The following RUFY4 variants were observed in gnomAD, a reference collection of about 807,000 sequenced individuals.
RUFY4 encodes RUN and FYVE domain-containing protein 4.
RUFY4 carries 73 observed loss-of-function variants against 69.0 expected under a neutral mutation model. The observed-to-expected ratio is 1.06, with a 90% CI of 0.88 to 1.29. The LOEUF (loss-of-function observed/expected upper bound fraction) is 1.29, where lower values mean the gene tolerates loss of function less well. Ranked by LOEUF, RUFY4 falls within the 50% of genes most tolerant of loss-of-function variation. The pLI, the probability that RUFY4 is intolerant of heterozygous loss-of-function variation, is 0.00. For synonymous variants in RUFY4, 287 were observed against 271.8 expected, an observed-to-expected ratio of 1.06 and a Z score of -0.55; for missense variants, 770 against 705.6, an observed-to-expected ratio of 1.09 and a Z score of -1.03.
exon 7 of RUFY4, chr2:218,075,264 A>G (rs753729718): frequency 6.3e-7 from 1 of 1,585,576 alleles, no homozygotes. Context: ...AAGTTCCAGG[A>G]AACATAGGTA....
chr2:218,075,619 T>C, exon 7 of RUFY4: 5 of 1,520,926 alleles, frequency 3.3e-6, no homozygotes, highest in Non-Finnish European at 4.4e-6. Flanking sequence ...GAGCCCTGGG[T>C]CCTTCAGGGA....
chr2:218,090,000 G>T, exon 11 of RUFY4: 3 of 1,568,780 alleles, frequency 1.9e-6, no homozygotes, highest in Non-Finnish European at 1.7e-6. Flanking sequence ...ATTACAAGAA[G>T]AGAGACCGCT....
intron 2 of RUFY4, among the ~76,000 whole-genome samples, chr2:218,041,391 A>G (rs55887326): frequency 0.23 from 35,241 of 152,142 alleles, 5,270 homozygotes; most frequent in East Asian, 0.41. Context: ...TGACATCTTA[A>G]CAGTATTGCG....
intron 3 of RUFY4, among the ~76,000 whole-genome samples, chr2:218,062,880 G>A (rs1316851603): frequency 6.6e-6 from 1 of 152,218 alleles, no homozygotes; most frequent in African/African-American, 2.4e-5. Context: ...ACCCCAATAA[G>A]AGGGAACGGC....
intron 2 of RUFY4, chr2:218,058,577 T>A (rs1689115549): frequency 6.6e-6 from 1 of 152,214 alleles, no homozygotes; most frequent in East Asian, 1.9e-4. Flanking sequence ...CCAAATTCTC[T>A]TCCTTTCACA....
chr2:218,064,600 C>T (rs1334161632), upstream of RUFY4, among the ~76,000 whole-genome samples: 3 of 152,266 alleles, frequency 2.0e-5, no homozygotes, highest in South Asian at 2.1e-4. Flanking sequence ...CACCAGCTGG[C>T]AGGGGAAGGT....
At chr2:218,087,644 C>A (rs1235782466) in intron 9 of RUFY4, among the ~76,000 whole-genome samples, 5 of 152,094 alleles carry the variant, frequency 3.3e-5, no homozygotes, top group Non-Finnish European at 5.9e-5. Flanking sequence ...GCCTGGCCAA[C>A]ATGCTGAAAC....
At chr2:218,076,725 T>C (rs2106059050) in intron 8 of RUFY4, among the ~76,000 whole-genome samples, 192 bp downstream of exon 10, 1 of 152,168 alleles carries the variant, frequency 6.6e-6, no homozygotes, top group Middle Eastern at 3.4e-3. Flanking sequence ...CCTCTGTGCA[T>C]CCCTTTCTCG....
At chr2:218,073,099 G>A (rs1265494259) in intron 4 of RUFY4, 144 bp from the exon 7 acceptor site, 19 of 1,147,282 alleles carry the variant, frequency 1.7e-5, no homozygotes, top group Non-Finnish European at 1.2e-6. Flanking sequence ...CTCCTGAAGG[G>A]CCACAACTCT....
upstream of RUFY4, chr2:218,069,358 A>C (rs1324027833): frequency 6.6e-6 from 1 of 152,206 alleles, no homozygotes. Flanking sequence ...GGTGAGTAGC[A>C]GGGAGACCCC....
At chr2:218,058,112 C>G (rs1689103538) in intron 2 of RUFY4, among the ~76,000 whole-genome samples, 1 of 152,190 alleles carries the variant, frequency 6.6e-6, no homozygotes, top group Non-Finnish European at 1.5e-5. Flanking sequence ...TATCTACTAC[C>G]AGCAATGCAT....
At chr2:218,040,260 T>G (rs1453866958) in intron 2 of RUFY4, among the ~76,000 whole-genome samples, 3 of 152,218 alleles carry the variant, frequency 2.0e-5, no homozygotes. Flanking sequence ...TGTGATCCCT[T>G]GACTTAACTG....
chr2:218,064,896 G>A (rs1254457626), upstream of RUFY4, among the ~76,000 whole-genome samples: 1 of 151,860 alleles, frequency 6.6e-6, no homozygotes, highest in African/African-American at 2.4e-5. Context: ...CCCCTGCAGG[G>A]AGCCCAGCCT....
At chr2:218,076,503 A>G in exon 8 of RUFY4, 1 of 1,550,630 alleles carries the variant, frequency 6.4e-7, no homozygotes, top group African/African-American at 1.4e-5. Flanking sequence ...CAGGAGGGGG[A>G]GCTGCAGGCA....
chr2:218,060,075 A>G, intron 3 of RUFY4: 1 of 278,818 alleles, frequency 3.6e-6, no homozygotes. Context: ...CACTTCTTAG[A>G]ACATAGAGTG....
chr2:218,044,137 T>C (rs1274565374), intron 2 of RUFY4, among the ~76,000 whole-genome samples: 1 of 152,130 alleles, frequency 6.6e-6, no homozygotes, highest in Non-Finnish European at 1.5e-5. Context: ...AGCACAGAGA[T>C]GCCAGGATCT....
chr2:218,072,283 C>T (rs1446548309), intron 2 of RUFY4, 91 bp from the exon 5 acceptor site: 6 of 1,461,072 alleles, frequency 4.1e-6, no homozygotes, highest in Non-Finnish European at 5.5e-6. Context: ...GAGCCCTCTC[C>T]TCCAGTACAT....
chr2:218,086,374 C>A (rs544951982), intron 9 of RUFY4, among the ~76,000 whole-genome samples: 58 of 152,200 alleles, frequency 3.8e-4, no homozygotes, highest in African/African-American at 1.3e-3. Flanking sequence ...AAAAACAAAA[C>A]AAACAAAGCC....
upstream of RUFY4, among the ~76,000 whole-genome samples, chr2:218,064,772 A>T (rs1689284342): frequency 6.6e-6 from 1 of 151,018 alleles, no homozygotes; most frequent in Non-Finnish European, 1.5e-5. Context: ...AGACCCTGGC[A>T]CCCTAGTTTC....
Sources: gnomAD v4.1 joint callset for allele counts (sites outside exome capture counted in the v4.1 genomes callset) on GRCh38, gnomAD v4.1.1 for gene constraint, MANE v1.5 for transcripts, NCBI Gene and HGNC (gene_info 2026-07-23, HGNC 2026-07-21) for gene names.